The following SYTL3 variants were observed in gnomAD, a reference collection of about 807,000 sequenced individuals.
SYTL3 encodes the protein synaptotagmin-like protein 3.
SYTL3 carries 88 observed loss-of-function variants against 82.1 expected under a neutral mutation model. That is an observed-to-expected ratio of 1.07 (90% CI 0.90 to 1.28). The LOEUF is 1.28. Ranked by LOEUF, SYTL3 falls within the 50% of genes most tolerant of loss-of-function variation. SYTL3 has a pLI of 0.00. For synonymous variants in SYTL3, 311 were observed against 289.4 expected (o/e 1.07, Z -0.76); for missense variants, 831 against 757.6 (o/e 1.10, Z -1.14).
intron 14 of SYTL3, 123 bp downstream of exon 14, chr6:158,757,504 C>A: frequency 1.9e-6 from 2 of 1,056,028 alleles, no homozygotes; most frequent in Non-Finnish European, 2.7e-6. Flanking sequence ...GTGTGTTCGC[C>A]GGCCTGGCGC....
At chr6:158,720,915 C>T (rs1443736967) in intron 10 of SYTL3, among the ~76,000 whole-genome samples, 2 of 152,170 alleles carry the variant, frequency 1.3e-5, no homozygotes, top group African/African-American at 4.8e-5. Context: ...TCCCACGCAC[C>T]ACAGGCTGGG....
At chr6:158,758,367 G>A (rs1789424418) in intron 14 of SYTL3, among the ~76,000 whole-genome samples, 1 of 151,938 alleles carries the variant, frequency 6.6e-6, no homozygotes, top group Non-Finnish European at 1.5e-5. Flanking sequence ...GAACCTGGGA[G>A]GCAGAGGTTG....
At chr6:158,764,379 CTT>C in intron 17 of SYTL3, 114 bp from the exon 18 acceptor site, 1 of 723,916 alleles carries the variant, frequency 1.4e-6, no homozygotes, top group South Asian at 1.7e-5. Context: ...AGTGGTTGGC[CTT>C]TTAATGTGGA....
intron 11 of SYTL3, among the ~76,000 whole-genome samples, chr6:158,729,571 T>TC (rs1434260385): frequency 6.7e-6 from 1 of 149,182 alleles, no homozygotes; most frequent in Non-Finnish European, 1.5e-5. Context: ...TTTTTCTTTT[T>TC]TTTTTTTTTT....
At chr6:158,724,212 C>G (rs977982723) in intron 10 of SYTL3, among the ~76,000 whole-genome samples, 13 of 152,340 alleles carry the variant, frequency 8.5e-5, no homozygotes, top group Middle Eastern at 3.4e-3. Context: ...TCTCTTCCTC[C>G]CCTTCTACTC....
At chr6:158,656,778 C>T (rs1788732317) in intron 2 of SYTL3, among the ~76,000 whole-genome samples, 1 of 151,940 alleles carries the variant, frequency 6.6e-6, no homozygotes, top group African/African-American at 2.4e-5. Flanking sequence ...GTAGAAGGGC[C>T]TGAAGCACAA....
intron 6 of SYTL3, among the ~76,000 whole-genome samples, chr6:158,695,654 C>T (rs1780480681): frequency 6.6e-6 from 1 of 152,170 alleles, no homozygotes; most frequent in Admixed American, 6.5e-5. Flanking sequence ...AGAGCTTTTT[C>T]ATTCTGCTAT....
chr6:158,703,106 A>C (rs956373960), intron 6 of SYTL3, among the ~76,000 whole-genome samples: 1 of 147,282 alleles, frequency 6.8e-6, no homozygotes, highest in African/African-American at 2.5e-5. Flanking sequence ...GTGAGCCAAG[A>C]TCGTGCCACT....
chr6:158,676,408 C>G (rs1395030558), intron 5 of SYTL3, among the ~76,000 whole-genome samples: 12 of 151,858 alleles, frequency 7.9e-5, no homozygotes, highest in African/African-American at 1.2e-4. Flanking sequence ...ATTAATTCAA[C>G]ATGGATTAAA....
intron 4 of SYTL3, 66 bp from the exon 5 acceptor site, chr6:158,665,329 C>G: frequency 1.4e-6 from 2 of 1,478,510 alleles, no homozygotes; most frequent in South Asian, 2.5e-5. Flanking sequence ...TGCCTGGGCT[C>G]TTGCCCTATA....
intron 11 of SYTL3, among the ~76,000 whole-genome samples, chr6:158,732,567 ACT>A (rs1785544550): frequency 6.6e-6 from 1 of 152,020 alleles, no homozygotes; most frequent in African/African-American, 2.4e-5. Flanking sequence ...ACTGTGCCAG[ACT>A]CTCTCTGCTA....
chr6:158,753,434 A>T (rs1190023497), intron 13 of SYTL3, among the ~76,000 whole-genome samples: 7 of 152,002 alleles, frequency 4.6e-5, no homozygotes, highest in East Asian at 2.0e-4. Context: ...GGATTTTTTT[A>T]AAATGCAGAT....
At chr6:158,710,777 T>C (rs1344858344) in intron 8 of SYTL3, among the ~76,000 whole-genome samples, 2 of 151,720 alleles carry the variant, frequency 1.3e-5, no homozygotes, top group East Asian at 3.8e-4. Flanking sequence ...TAAGCTTTTT[T>C]TTTTTTTGCT....
At chr6:158,664,811 A>G (rs186561938) in intron 4 of SYTL3, among the ~76,000 whole-genome samples, 17 of 152,316 alleles carry the variant, frequency 1.1e-4, no homozygotes, top group Admixed American at 1.0e-3. Flanking sequence ...AGACATTCAT[A>G]AAAGAGCGTG....
upstream of SYTL3, among the ~76,000 whole-genome samples, chr6:158,647,451 A>G (rs1410133185): frequency 6.6e-6 from 1 of 152,240 alleles, no homozygotes; most frequent in African/African-American, 2.4e-5. Context: ...TTGAGGCTAC[A>G]AAGTTGACTA....
chr6:158,664,225 G>A (rs187516503), intron 4 of SYTL3, among the ~76,000 whole-genome samples: 116 of 152,304 alleles, frequency 7.6e-4, no homozygotes, highest in African/African-American at 2.6e-3. Context: ...CTTTCTAAGT[G>A]CACTTGTAAA....
chr6:158,707,399 T>C (rs1782223329), intron 7 of SYTL3, 118 bp downstream of exon 7: 2 of 132,242 alleles, frequency 1.5e-5, no homozygotes, highest in Middle Eastern at 1.7e-3. Context: ...AATGTGACTC[T>C]TTTTTTTTTT....
At chr6:158,749,918 G>T (rs1788180859) in intron 12 of SYTL3, among the ~76,000 whole-genome samples, 1 of 152,176 alleles carries the variant, frequency 6.6e-6, no homozygotes, top group Admixed American at 6.5e-5. Flanking sequence ...AGTTGAAGGG[G>T]CATATACCCT....
intron 5 of SYTL3, among the ~76,000 whole-genome samples, chr6:158,668,505 A>C (rs1422549372): frequency 5.9e-5 from 9 of 152,052 alleles, no homozygotes. Flanking sequence ...CTGGGATTAC[A>C]AGCATGAGCC....
Sources: gnomAD v4.1 joint callset for allele counts (sites outside exome capture counted in the v4.1 genomes callset) on GRCh38, gnomAD v4.1.1 for gene constraint, MANE v1.5 for transcripts, NCBI Gene and HGNC (gene_info 2026-07-23, HGNC 2026-07-21) for gene names.